The following GALNT7 variants were observed in gnomAD, a reference collection of about 807,000 sequenced individuals.
The protein encoded by GALNT7 is polypeptide N-acetylgalactosaminyltransferase 7, also known as N-acetylgalactosaminyltransferase 7.
Under a neutral mutation model 82.1 loss-of-function variants are expected in GALNT7, and 60 were observed. The ratio of observed to expected loss-of-function variants is 0.73; its 90% CI spans 0.59 to 0.91. The LOEUF (loss-of-function observed/expected upper bound fraction) is 0.91, where lower values mean the gene tolerates loss of function less well. Ranked by LOEUF, GALNT7 falls within the 40% of genes least tolerant of loss-of-function variation. The pLI, the probability that GALNT7 is intolerant of heterozygous loss-of-function variation, is 0.00. For missense variants in GALNT7, 660 were observed against 804.2 expected (o/e 0.82, Z 2.17); for synonymous variants, 243 against 275.1 (o/e 0.88, Z 1.15).
chr4:173,310,491 G>A (rs983654913), intron 8 of GALNT7, among the ~76,000 whole-genome samples: 5 of 151,964 alleles, frequency 3.3e-5, no homozygotes, highest in Non-Finnish European at 5.9e-5. Flanking sequence ...ACTCACTACC[G>A]GTGTCATTGA....
At chr4:173,214,978 G>C (rs1445534790) in intron 1 of GALNT7, among the ~76,000 whole-genome samples, 1 of 152,088 alleles carries the variant, frequency 6.6e-6, no homozygotes, top group African/African-American at 2.4e-5. Flanking sequence ...AGTTCTTATA[G>C]TTAAGTTGTG....
At chr4:173,310,755 G>A (rs750279041) in intron 8 of GALNT7, among the ~76,000 whole-genome samples, 3 of 151,990 alleles carry the variant, frequency 2.0e-5, no homozygotes, top group Non-Finnish European at 2.9e-5. Flanking sequence ...GTTGTTTTGA[G>A]ACGGAGTTTC....
At position 173,249,768 on chromosome 4, in the gene GALNT7, G is replaced by A. The variant is rs561578272; in HGVS notation, c.587+1328G>A. On this transcript the variant is annotated intron_variant, in intron 2 of 11. Transcript: ENST00000265000. Reference sequence around the variant, plus strand: ...CCCTGAAATCCAATTTTAACTCGGTGTTCTGTGTTTTATCTGGCAGTCTTA... The same window carrying A: ...CCCTGAAATCCAATTTTAACTCGGTATTCTGTGTTTTATCTGGCAGTCTTA... 1.0e-3 allele frequency among the ~76,000 whole-genome samples: 158 copies of A among 152,230 alleles called. 1 individual carries two copies. Among genetic ancestry groups the A allele is most frequent in the South Asian group, 2.3e-3 (11 of 4,824 alleles).
At chr4:173,274,870 A>G (rs531959443) in intron 2 of GALNT7, among the ~76,000 whole-genome samples, 2 of 152,038 alleles carry the variant, frequency 1.3e-5, no homozygotes, top group East Asian at 3.9e-4. Context: ...TTGGGAATGG[A>G]TCCTGTTGGA....
chr4:173,185,786 C>G (rs1408295630), intron 1 of GALNT7, among the ~76,000 whole-genome samples: 1 of 152,018 alleles, frequency 6.6e-6, no homozygotes, highest in Non-Finnish European at 1.5e-5. Flanking sequence ...GAACCGTGTG[C>G]TAGTCAAGAA....
chr4:173,182,923 A>AGTACACACAC (rs1732301228), intron 1 of GALNT7, among the ~76,000 whole-genome samples: 2 of 103,662 alleles, frequency 1.9e-5, no homozygotes, highest in Admixed American at 1.8e-4. Context: ...GGTTACTCAT[A>AGTACACACAC]ATACACACAC....
At chr4:173,314,994 A>G (rs895110830) in intron 9 of GALNT7, among the ~76,000 whole-genome samples, 2 of 152,244 alleles carry the variant, frequency 1.3e-5, no homozygotes, top group African/African-American at 4.8e-5. Context: ...CTGGGGAGAG[A>G]GACCAAAAAA....
intron 1 of GALNT7, among the ~76,000 whole-genome samples, chr4:173,192,929 C>T (rs1178379582): frequency 6.6e-6 from 1 of 152,146 alleles, no homozygotes; most frequent in African/African-American, 2.4e-5. Flanking sequence ...TGGTGTTGTC[C>T]ACTAAAGACG....
At position 173,172,699 on chromosome 4, in the gene GALNT7, TG is replaced by T. The variant is rs1433443962; in HGVS notation, c.126+3741del. On this transcript the variant is annotated intron_variant, in intron 1 of 11. Transcript: ENST00000265000. The stretch of plus-strand genomic sequence containing the variant: ...TCAAGAAAAGTAGTTAATCTGGAAG[TG>T]GGTGGCAGCATTCTTGAGAAGGAGC... Among the ~76,000 whole-genome samples the T allele has an allele frequency of 2.0e-5, 3 of 152,138 alleles. No homozygotes were observed. The East Asian group carries it at 5.8e-4, about 29-fold the overall frequency.
At chr4:173,233,659 C>T (rs1228690051) in intron 1 of GALNT7, among the ~76,000 whole-genome samples, 2 of 152,178 alleles carry the variant, frequency 1.3e-5, no homozygotes, top group African/African-American at 4.8e-5. Flanking sequence ...TCCATCTTTC[C>T]TATTACATCA....
chr4:173,187,466 C>T (rs578187154), intron 1 of GALNT7, among the ~76,000 whole-genome samples: 1 of 151,134 alleles, frequency 6.6e-6, no homozygotes, highest in African/African-American at 2.4e-5. Context: ...TTTCACCTGC[C>T]CTTGAAAAAA....
chr4:173,172,878 G>A (rs1424538830), intron 1 of GALNT7, among the ~76,000 whole-genome samples: 1 of 152,192 alleles, frequency 6.6e-6, no homozygotes, highest in Non-Finnish European at 1.5e-5. Flanking sequence ...GAGATCTTAA[G>A]TGCGGTGAGA....
At chr4:173,178,052 T>TGTGTGTGTGTGCGTGCGCGC (rs563102408) in intron 1 of GALNT7, among the ~76,000 whole-genome samples, 1 of 129,508 alleles carries the variant, frequency 7.7e-6, no homozygotes, top group African/African-American at 3.1e-5. Flanking sequence ...TGTGTGTGTG[T>TGTGTGTGTGTGCGTGCGCGC]GCGCGCACGC....
intron 1 of GALNT7, among the ~76,000 whole-genome samples, chr4:173,172,273 C>T (rs576941301): frequency 1.3e-5 from 2 of 152,304 alleles, no homozygotes; most frequent in East Asian, 3.9e-4. Flanking sequence ...CAGTGGCCTG[C>T]CAGCAGCGGG....
At chr4:173,278,112 C>A (rs1735981945) in intron 2 of GALNT7, among the ~76,000 whole-genome samples, 2 of 152,176 alleles carry the variant, frequency 1.3e-5, no homozygotes, top group African/African-American at 2.4e-5. Flanking sequence ...TAAGGGAGAT[C>A]ATTTAAACAT....
intron 1 of GALNT7, among the ~76,000 whole-genome samples, chr4:173,193,241 T>C (rs1732678018): frequency 6.6e-6 from 1 of 152,240 alleles, no homozygotes; most frequent in South Asian, 2.1e-4. Context: ...TGAATCCTTA[T>C]AACAAACACT....
chr4:173,211,981 AGCAG>A, intron 1 of GALNT7, among the ~76,000 whole-genome samples: 1 of 152,346 alleles, frequency 6.6e-6, no homozygotes, highest in African/African-American at 2.4e-5. Context: ...GCCAGATATC[AGCAG>A]GCAGTGTGGT....
rs147234647 is a variant in GALNT7, at chr4:173,176,800, A to G, written c.126+7839A>G. Among the ~76,000 whole-genome samples, 133 of 152,338 alleles carry G rather than the reference A, an allele frequency of 8.7e-4. 4 individuals are homozygous for G. The highest frequency in any genetic ancestry group is 3.1e-3 in the African/African-American group (129 of 41,580). On this transcript the variant is annotated intron_variant, in intron 1 of 11. Transcript: ENST00000265000. ...TTGGGTTGGAGAGGGGTGGAATGGA[A>G]GAGAGGACTCTAGAAAGATAAATAG...
At chr4:173,168,999 C>G in intron 1 of GALNT7, 38 bp downstream of exon 1, 1 of 1,603,480 alleles carries the variant, frequency 6.2e-7, no homozygotes, top group Non-Finnish European at 8.5e-7. Context: ...CGGCAGCGAC[C>G]GGCAACTTGT....
Sources: allele counts gnomAD v4.1 joint callset (sites outside exome capture counted in the v4.1 genomes callset), GRCh38; gene constraint gnomAD v4.1.1; transcripts MANE v1.5; gene names NCBI Gene and HGNC (gene_info 2026-07-23, HGNC 2026-07-21).